Variants in NLRP5 observed in about 807,000 individuals in gnomAD.
The protein encoded by NLRP5 is NACHT, LRR and PYD domains-containing protein 5.
Under a neutral mutation model 113.1 loss-of-function variants are expected in NLRP5, and 93 were observed. That is an observed-to-expected ratio of 0.82 (90% CI 0.70 to 0.98). The LOEUF (loss-of-function observed/expected upper bound fraction) is 0.98, where lower values mean the gene tolerates loss of function less well. NLRP5 is among the 50% of genes least tolerant of loss of function. The pLI, the probability that NLRP5 is intolerant of heterozygous loss-of-function variation, is 0.00. For synonymous variants in NLRP5, 751 were observed against 600.7 expected, an observed-to-expected ratio of 1.25 and a Z score of -3.66; for missense variants, 1,808 against 1,514.3, an observed-to-expected ratio of 1.19 and a Z score of -3.22.
At chr19:56,033,829 G>C in intron 9 of NLRP5, 120 bp downstream of exon 9, 2 of 815,030 alleles carry the variant, frequency 2.5e-6, no homozygotes, top group Non-Finnish European at 4.0e-6. Context: ...GTGATGGATG[G>C]TGGTGACGAT....
chr19:56,061,760 A>G lies in NLRP5; in HGVS notation c.*232A>G. 1 of 506,532 alleles carries G rather than the reference A, an allele frequency of 2.0e-6. No individual in the cohort carries two copies. The allele number at this position is 506,532 out of a possible 1,614,324, so 31.4% of individuals were successfully genotyped here. A position where few individuals can be genotyped will look rare whatever the true frequency, so the allele number is the denominator to read the frequency against. ...ACTCAGTATCTGTGAAATGTCCGTC[A>G]TATCTCAGAGCATATAGAGGGAATT... On this transcript the variant is annotated 3_prime_UTR_variant, in exon 15 of 15. Coordinates refer to ENST00000390649, the MANE Select transcript of NLRP5 (RefSeq NM_153447.4).
At chr19:56,008,391 G>A (rs982712025) in intron 2 of NLRP5, among the ~76,000 whole-genome samples, 1 of 152,078 alleles carries the variant, frequency 6.6e-6, no homozygotes, top group Non-Finnish European at 1.5e-5. Flanking sequence ...GTCAATCTTG[G>A]ACCTTGTAAG....
upstream of NLRP5, among the ~76,000 whole-genome samples, chr19:55,996,149 G>T (rs1981317751): frequency 6.6e-6 from 1 of 151,848 alleles, no homozygotes; most frequent in South Asian, 2.1e-4. Flanking sequence ...TTCCCTAATT[G>T]CTCTGGCTAA....
At chr19:56,054,867 T>G (rs531606272) in intron 13 of NLRP5, among the ~76,000 whole-genome samples, 3 of 152,102 alleles carry the variant, frequency 2.0e-5, no homozygotes, top group Non-Finnish European at 2.9e-5. Flanking sequence ...ATGGAATGTT[T>G]ACCATGTGTG....
intron 7 of NLRP5, among the ~76,000 whole-genome samples, chr19:56,030,711 CTTCTTT>C (rs1450643104): frequency 4.2e-5 from 2 of 47,766 alleles, no homozygotes; most frequent in South Asian, 7.4e-4. Flanking sequence ...TCGCTTTCTT[CTTCTTT>C]TTTTTTTTTT....
In NLRP5 at chr19:56,032,970, G is replaced by T. The variant is rs527489310; in HGVS notation, c.2447+189G>T. 5.3e-5 allele frequency among the ~76,000 whole-genome samples: 8 copies of T among 152,280 alleles called. No individual in the cohort carries two copies. In the South Asian group the frequency reaches 1.7e-3, roughly 32 times the overall value. On this transcript the variant is annotated intron_variant, in intron 8 of 14. Coordinates refer to ENST00000390649, the MANE Select transcript of NLRP5 (RefSeq NM_153447.4). ...CGCTAAAGACCTTGTGATCGGCCGGGCGCAGTGGCTCATGCCTGTAATCCC... is the reference window on the plus strand; with the variant it reads ...CGCTAAAGACCTTGTGATCGGCCGGTCGCAGTGGCTCATGCCTGTAATCCC...
chr19:56,042,621 G>T (rs539598375), intron 11 of NLRP5, among the ~76,000 whole-genome samples: 5 of 152,224 alleles, frequency 3.3e-5, no homozygotes, highest in African/African-American at 1.2e-4. Flanking sequence ...GGGATTACAG[G>T]CATGAGCCAC....
intron 11 of NLRP5, among the ~76,000 whole-genome samples, chr19:56,046,168 T>G (rs1308944205): frequency 2.0e-5 from 3 of 152,240 alleles, no homozygotes; most frequent in Non-Finnish European, 4.4e-5. Context: ...CATAAAGCAT[T>G]GCTGGATTTT....
At chr19:56,020,192 A>G (rs979426924) in intron 5 of NLRP5, among the ~76,000 whole-genome samples, 183 bp from the exon 6 acceptor site, 3 of 151,682 alleles carry the variant, frequency 2.0e-5, no homozygotes, top group African/African-American at 4.9e-5. Flanking sequence ...TAGGACCCTC[A>G]CCCTCAAGCT....
rs1984241889 is a variant in NLRP5 at position 56,058,521 on chromosome 19, C to G, written c.3470+111C>G. The stretch of plus-strand genomic sequence containing the variant: ...AGTTGACGTCATACCTTGGGAGCCA[C>G]ATTTTACTCCATTGGTGAGTGCCCA... On this transcript the variant is annotated intron_variant, in intron 14 of 14. Coordinates refer to ENST00000390649, the MANE Select transcript of NLRP5 (RefSeq NM_153447.4). 6 of 882,414 alleles carry G rather than the reference C, an allele frequency of 6.8e-6. No individual in the cohort carries two copies. In the South Asian group the frequency reaches 1.0e-4, roughly 15 times the overall value. 54.7% of individuals were successfully genotyped at this position (882,414 alleles called of 1,614,324 possible).
At chr19:56,018,848 C>T in intron 4 of NLRP5, 1 of 155,232 alleles carries the variant, frequency 6.4e-6, no homozygotes, top group South Asian at 2.0e-4. Flanking sequence ...TTTTGGAGTG[C>T]AGTGGCATGA....
intron 6 of NLRP5, among the ~76,000 whole-genome samples, chr19:56,025,466 C>T (rs1333367599): frequency 6.6e-6 from 1 of 152,014 alleles, no homozygotes. Flanking sequence ...AGTGCAGTGG[C>T]ACAATCTTGG....
At chr19:56,035,371 T>C (rs536950924) in intron 9 of NLRP5, among the ~76,000 whole-genome samples, 1 of 152,216 alleles carries the variant, frequency 6.6e-6, no homozygotes, top group African/African-American at 2.4e-5. Context: ...CCAGGGAAAT[T>C]AGCCAAAGCA....
At chr19:56,015,606 GC>G in intron 3 of NLRP5, 135 bp from the exon 4 acceptor site, 1 of 561,266 alleles carries the variant, frequency 1.8e-6, no homozygotes, top group Non-Finnish European at 2.9e-6. Context: ...CTGGCGCTGA[GC>G]CAGTGGTTCT....
Position 56,039,568 on chromosome 19 carries a change from T to C in NLRP5, c.2787-1354T>C, listed in dbSNP as rs182224890. Among the ~76,000 whole-genome samples the C allele has an allele frequency of 6.2e-3, 942 of 152,244 alleles. 6 individuals are homozygous for C. Among genetic ancestry groups the C allele is most frequent in the African/African-American group, 0.022 (898 of 41,552 alleles). On this transcript the variant is annotated intron_variant, in intron 10 of 14. Transcript: ENST00000390649. ...CAAGTTCTCTTTACGGGAAAACACC[T>C]ATCACTCATGTAGCAGACTGTTTCT...
At chr19:56,034,963 G>A (rs755421320) in intron 9 of NLRP5, among the ~76,000 whole-genome samples, 6 of 152,118 alleles carry the variant, frequency 3.9e-5, no homozygotes, top group African/African-American at 7.2e-5. Flanking sequence ...CTTTTTGACT[G>A]AGTCTAGCTC....
In NLRP5 at chr19:56,050,441, C is replaced by T. The variant is rs561817247; in HGVS notation, c.2981C>T (p.Thr994Met). Residue 994 changes from threonine (T) to methionine (M), a missense_variant, in exon 12 of 15, where the codon ACG becomes ATG. Physicochemically the swap from Thr to Met is moderately conservative, Grantham distance 81. Coordinates refer to ENST00000390649, the MANE Select transcript of NLRP5 (RefSeq NM_153447.4). ...AGGCTGAATCAGTGCCACCTGGACA[C>T]GGCTGGCTGTGGTTTTCTTGCACTT... is the stretch of plus-strand genomic sequence containing the variant. 3.8e-5 allele frequency: 61 copies of T among 1,613,764 alleles called. No individual in the cohort carries two copies. The highest frequency in any genetic ancestry group is 1.1e-4 in the African/African-American group (8 of 75,034).
At chr19:55,998,714 G>GTGTATA (rs796632835), upstream of NLRP5, among the ~76,000 whole-genome samples, 2 of 76,024 alleles carry the variant, frequency 2.6e-5, no homozygotes, top group African/African-American at 1.1e-4. Flanking sequence ...GTGTGTGTGT[G>GTGTATA]TATATATATA....
rs1304313068 is a variant in NLRP5 at position 56,008,802 on chromosome 19, G to T, written c.457G>T (p.Asp153Tyr). The T allele has an allele frequency of 1.2e-6, 2 of 1,610,992 alleles. No homozygotes were observed. The highest frequency in any genetic ancestry group is 1.3e-5 in the African/African-American group (1 of 74,886). The change falls in exon 3 of 15, where the codon GAT becomes TAT. Residue 153 changes from aspartate (D) to tyrosine (Y), a missense_variant. Transcript: ENST00000390649. ...TTGTCTTCCAGGACATTCACCAGAAGATCCTGAAGCAACGATGACTGACCA... is the reference window on the plus strand; with the variant it reads ...TTGTCTTCCAGGACATTCACCAGAATATCCTGAAGCAACGATGACTGACCA...
Sources: allele counts gnomAD v4.1 joint callset (sites outside exome capture counted in the v4.1 genomes callset), GRCh38; gene constraint gnomAD v4.1.1; transcripts MANE v1.5; gene names NCBI Gene and HGNC (gene_info 2026-07-23, HGNC 2026-07-21).